TBC1D8: variants seen among roughly 807,000 people sequenced by gnomAD.
TBC1D8 encodes the protein BUB2-like protein 1.
Under a neutral mutation model 118.8 loss-of-function variants are expected in TBC1D8, and 65 were observed. The observed-to-expected ratio is 0.55, with a 90% confidence interval of 0.45 to 0.67. The LOEUF (loss-of-function observed/expected upper bound fraction) is 0.67. TBC1D8 is among the 30% of genes least tolerant of loss of function. The pLI is 0.00. For missense variants in TBC1D8, 1,376 were observed against 1,471.2 expected (o/e 0.94, Z 1.06); for synonymous variants, 566 against 595.8 (o/e 0.95, Z 0.73).
intron 2 of TBC1D8, among the ~76,000 whole-genome samples, chr2:101,079,828 G>C (rs1399752040): frequency 6.6e-6 from 1 of 151,660 alleles, no homozygotes; most frequent in African/African-American, 2.4e-5. Flanking sequence ...TGGGACTACA[G>C]GCGCCCGCCA....
chr2:101,031,893 C>T (rs1281827906), intron 11 of TBC1D8, among the ~76,000 whole-genome samples: 2 of 152,048 alleles, frequency 1.3e-5, no homozygotes, highest in East Asian at 1.9e-4. Flanking sequence ...CAGGCCCCCA[C>T]CCTCCCTTTC....
Position 101,036,183 on chromosome 2 carries a change from A to G in TBC1D8, c.1453-15T>C. Reference sequence around the variant, plus strand: ...TGTTCTCTGGACTGGAAATGGGAATATTCTTAATGTACAAAGAAGTCTGTC... The same window carrying G: ...TGTTCTCTGGACTGGAAATGGGAATGTTCTTAATGTACAAAGAAGTCTGTC... On this transcript the variant is annotated splice_polypyrimidine_tract_variant and intron_variant, in intron 8 of 19. Coordinates refer to ENST00000409318, the MANE Select transcript of TBC1D8 (RefSeq NM_001330348.2). 1 of 1,611,202 alleles carries G rather than the reference A, an allele frequency of 6.2e-7. No homozygotes were observed. Among genetic ancestry groups the G allele is most frequent in the Non-Finnish European group, 8.5e-7 (1 of 1,177,524 alleles).
intron 14 of TBC1D8, 24 bp from the exon 15 acceptor site, chr2:101,027,475 T>C: frequency 1.2e-6 from 2 of 1,610,198 alleles, no homozygotes; most frequent in Non-Finnish European, 8.5e-7. Flanking sequence ...TAAACAGCAA[T>C]GGCGTGAAAT....
intron 1 of TBC1D8, among the ~76,000 whole-genome samples, chr2:101,119,344 T>C (rs1677999154): frequency 7.2e-6 from 1 of 138,158 alleles, no homozygotes; most frequent in African/African-American, 2.8e-5. Context: ...TACTTACGGA[T>C]GGCTCCACAC....
chr2:101,028,231 C>G, intron 13 of TBC1D8, 72 bp downstream of exon 13: 2 of 1,591,256 alleles, frequency 1.3e-6, no homozygotes, highest in African/African-American at 2.7e-5. Flanking sequence ...CCTCCTTCCA[C>G]ATCCATCCCC....
At chr2:101,083,440 C>A (rs968911039) in intron 2 of TBC1D8, among the ~76,000 whole-genome samples, 4 of 152,172 alleles carry the variant, frequency 2.6e-5, no homozygotes, top group Non-Finnish European at 5.9e-5. Flanking sequence ...CACAACCACT[C>A]TCTCCTAGGA....
rs148123797 is a variant in TBC1D8, at chr2:101,082,643, A to G, written c.283+7566T>C. On this transcript the variant is annotated intron_variant, in intron 2 of 19. Transcript: ENST00000409318. ...ACTGCAACATGCGGGACACTTGAAG[A>G]TAGGATGCTGACTGTAATAAGTGGT... Among the ~76,000 whole-genome samples the G allele has an allele frequency of 5.5e-4, 84 of 152,362 alleles. 1 individual carries two copies. The highest frequency in any genetic ancestry group is 3.5e-3 in the East Asian group (18 of 5,184).
In TBC1D8 at chr2:101,007,695, GGTT is replaced by G. The variant is rs557029567; in HGVS notation, c.*123_*125del. Reference sequence around the variant, plus strand: ...CGGTTCCCCTGGCCACAGTTTGTCAGGTTGTTTAGCCAGATGCCCCATTGGTAA... The same window carrying G: ...CGGTTCCCCTGGCCACAGTTTGTCAGGTTTAGCCAGATGCCCCATTGGTAA... On this transcript the variant is annotated 3_prime_UTR_variant, in exon 20 of 20. Coordinates refer to ENST00000409318, the MANE Select transcript of TBC1D8 (RefSeq NM_001330348.2). 102 of 967,296 alleles carry G rather than the reference GGTT, an allele frequency of 1.1e-4. No homozygotes were observed. In the African/African-American group the frequency reaches 1.5e-3, roughly 14 times the overall value. The allele number at this position is 967,296 out of a possible 1,614,324, so 59.9% of individuals were successfully genotyped here. A position where few individuals can be genotyped will look rare whatever the true frequency, so the allele number is the denominator to read the frequency against.
intron 15 of TBC1D8, among the ~76,000 whole-genome samples, chr2:101,025,249 G>A (rs549427568): frequency 9.2e-5 from 14 of 151,616 alleles, no homozygotes; most frequent in South Asian, 2.1e-4. Flanking sequence ...ATTTTGAGAC[G>A]GAGTTTCACT....
chr2:101,104,314 A>G (rs953186527), intron 1 of TBC1D8, among the ~76,000 whole-genome samples: 7 of 152,220 alleles, frequency 4.6e-5, no homozygotes, highest in African/African-American at 1.2e-4. Context: ...ATTCAACGCA[A>G]TCCCAATAAA....
At chr2:101,021,805 C>A in intron 16 of TBC1D8, 59 bp from the exon 17 acceptor site, 1 of 1,110,790 alleles carries the variant, frequency 9.0e-7, no homozygotes. Flanking sequence ...TTTGTCAGGA[C>A]ACAAACTCAC....
chr2:101,146,721 G>A (rs1190485168), intron 1 of TBC1D8, among the ~76,000 whole-genome samples: 1 of 152,136 alleles, frequency 6.6e-6, no homozygotes, highest in Non-Finnish European at 1.5e-5. Flanking sequence ...TCTTTGTGGT[G>A]AGAACATTCA....
In TBC1D8 at chr2:101,098,374, C is replaced by A. The variant is rs559077964; in HGVS notation, c.128-8010G>T. Among the ~76,000 whole-genome samples, 21 of 134,560 alleles carry A rather than the reference C, an allele frequency of 1.6e-4. No homozygotes were observed. In the South Asian group the frequency reaches 4.9e-3, roughly 32 times the overall value. 88.3% of individuals were successfully genotyped at this position (134,560 alleles called of 152,430 possible). A position where few individuals can be genotyped will look rare whatever the true frequency, so the allele number is the denominator to read the frequency against. On this transcript the variant is annotated intron_variant, in intron 1 of 19. Transcript: ENST00000409318. Reference sequence around the variant, plus strand: ...AGCCTGGGCAACAAGAGCAAAACTCCATCTCAAAAAAAAAAGAGAGAGACT... The same window carrying A: ...AGCCTGGGCAACAAGAGCAAAACTCAATCTCAAAAAAAAAAGAGAGAGACT...
At chr2:101,074,705 G>T (rs186056017) in intron 2 of TBC1D8, among the ~76,000 whole-genome samples, 3 of 152,126 alleles carry the variant, frequency 2.0e-5, no homozygotes, top group Non-Finnish European at 2.9e-5. Context: ...ACAATTATGG[G>T]AACATTGTTA....
intron 3 of TBC1D8, among the ~76,000 whole-genome samples, chr2:101,058,945 G>A (rs901091173): frequency 2.1e-4 from 31 of 149,854 alleles, no homozygotes; most frequent in Non-Finnish European, 4.0e-4. Flanking sequence ...TCACTTTGTC[G>A]CCCAGGCGGG....
intron 10 of TBC1D8, chr2:101,032,635 G>A (rs1256105185): frequency 9.1e-6 from 4 of 438,282 alleles, no homozygotes; most frequent in Admixed American, 3.6e-5. Context: ...GAATTTAGCT[G>A]TGGTGCAAGT....
intron 1 of TBC1D8, among the ~76,000 whole-genome samples, chr2:101,138,304 G>GA (rs143681275): frequency 0.019 from 2,887 of 152,092 alleles, 60 homozygotes; most frequent in East Asian, 0.083. Flanking sequence ...GGTGGTAAAA[G>GA]AAAAAAACAT....
chr2:101,123,670 CA>C (rs1678224364), intron 1 of TBC1D8, among the ~76,000 whole-genome samples: 1 of 152,140 alleles, frequency 6.6e-6, no homozygotes, highest in Non-Finnish European at 1.5e-5. Context: ...CCTTAAGGAC[CA>C]GTATACTGTC....
At position 101,022,344 on chromosome 2, in the gene TBC1D8, A is replaced by C. The variant is rs1200399853; in HGVS notation, c.2698T>G (p.Phe900Val). The C allele has an allele frequency of 6.2e-7, 1 of 1,612,640 alleles. No homozygotes were observed. The highest frequency in any genetic ancestry group is 8.5e-7 in the Non-Finnish European group (1 of 1,179,598). The change falls in exon 16 of 20, where the codon TTC becomes GTC. Residue 900 changes from phenylalanine (F) to valine (V), a missense_variant. Coordinates refer to ENST00000409318, the MANE Select transcript of TBC1D8 (RefSeq NM_001330348.2). ...AHTEILAERTFRLLDDNMDQL... is the reference protein window; with the variant it reads ...AHTEILAERTVRLLDDNMDQL... ...TCCATGTTGTCATCCAAGAGCCTGA[A>C]CGTCCTTTCGGCGAGGATCTCCGTG...
Sources: allele counts gnomAD v4.1 joint callset (sites outside exome capture counted in the v4.1 genomes callset), GRCh38; gene constraint gnomAD v4.1.1; transcripts MANE v1.5; gene names NCBI Gene and HGNC (gene_info 2026-07-23, HGNC 2026-07-21).